HBM: variants seen among roughly 807,000 people sequenced by gnomAD.
The protein encoded by HBM is alpha globin pseudogene 2.
HBM carries 9 observed loss-of-function variants against 12.8 expected under a neutral mutation model. That is an observed-to-expected ratio of 0.70 (90% confidence interval 0.42 to 1.23). HBM has a LOEUF of 1.23. Among genes scored for constraint, HBM ranks in the 50% most tolerant of loss-of-function variants. HBM has a pLI of 0.00. For missense variants in HBM, 214 were observed against 195.4 expected, an observed-to-expected ratio of 1.10 and a Z score of -0.57; for synonymous variants, 100 against 92.0, an observed-to-expected ratio of 1.09 and a Z score of -0.50.
Position 166,485 on chromosome 16 carries a change from C to T in HBM, c.297+13C>T, listed in dbSNP as rs1399362374. 3.3e-6 allele frequency: 5 copies of T among 1,529,554 alleles called. No homozygotes were observed. The highest frequency in any genetic ancestry group is 4.4e-6 in the Non-Finnish European group (5 of 1,137,112). The allele number at this position is 1,529,554 out of a possible 1,614,324, so 94.7% of individuals were successfully genotyped here. Reference sequence around the variant, plus strand: ...AGCCAACTTTCCGGTGAGGCCTTTCCGGCCGGGGCAATGGTGCAGCGCGCA... The same window carrying T: ...AGCCAACTTTCCGGTGAGGCCTTTCTGGCCGGGGCAATGGTGCAGCGCGCA... On this transcript the variant is annotated intron_variant, in intron 2 of 2. Coordinates refer to ENST00000356815, the MANE Select transcript of HBM (RefSeq NM_001003938.4).
rs768293380 is a variant in HBM, at chr16:166,360, T to G, written c.185T>G (p.Met62Arg). 2.5e-6 allele frequency: 4 copies of G among 1,588,874 alleles called. No individual in the cohort carries two copies. The highest frequency in any genetic ancestry group is 2.3e-5 in the East Asian group (1 of 44,162). The change falls in exon 2 of 3, where the codon ATG becomes AGG. Residue 62 changes from methionine (M) to arginine (R), a missense_variant. Physicochemically the swap from Met to Arg is moderately conservative, Grantham distance 91 (BLOSUM62 -1). Transcript: ENST00000356815. ...ATQLLSHGQRMLAAVGAAVQH... is the reference protein window; with the variant it reads ...ATQLLSHGQRRLAAVGAAVQH... ...CAGCTGCTGAGCCACGGGCAGCGCA[T>G]GCTGGCGGCTGTGGGCGCGGCGGTG...
Position 166,431 on chromosome 16 carries a change from C to A in HBM, c.256C>A (p.Leu86Met). ...LRAALSPLAD[L>M]HALVLRVDPA... ...CGCCGCGCTGAGCCCGCTGGCGGAC[C>A]TGCACGCGCTCGTGCTGCGCGTGGA... The change falls in exon 2 of 3, where the codon CTG becomes ATG. Residue 86 changes from leucine (L) to methionine (M), a missense_variant. By Grantham distance (15) the Leu-to-Met change is conservative. Coordinates refer to ENST00000356815, the MANE Select transcript of HBM (RefSeq NM_001003938.4). 1 of 1,549,460 alleles carries A rather than the reference C, an allele frequency of 6.5e-7. No individual in the cohort carries two copies. The highest frequency in any genetic ancestry group is 1.2e-5 in the South Asian group (1 of 85,960).
Position 166,387 on chromosome 16 carries a change from A to G in HBM, c.212A>G (p.Gln71Arg), listed in dbSNP as rs923028059. ...CTGGCGGCTGTGGGCGCGGCGGTGC[A>G]GCACGTGGACAACCTGCGCGCCGCG... ...RMLAAVGAAV[Q>R]HVDNLRAALS... Residue 71 changes from glutamine to arginine, a missense_variant, in exon 2 of 3, where the codon CAG becomes CGG. Transcript: ENST00000356815. The G allele has an allele frequency of 5.1e-6, 8 of 1,573,460 alleles. No homozygotes were observed. Among genetic ancestry groups the G allele is most frequent in the Non-Finnish European group, 6.8e-6 (8 of 1,167,976 alleles).
rs751601520 is a variant in HBM at position 166,328 on chromosome 16, C to G, written c.153C>G (p.Asp51Glu). ...VYFPHLSACQ[D>E]ATQLLSHGQR... ...TCCCGCACCTGAGCGCCTGCCAGGACGCGACGCAGCTGCTGAGCCACGGGC... is the reference window on the plus strand; with the variant it reads ...TCCCGCACCTGAGCGCCTGCCAGGAGGCGACGCAGCTGCTGAGCCACGGGC... The change falls in exon 2 of 3, where the codon GAC becomes GAG. Residue 51 changes from aspartate (D) to glutamate (E), a missense_variant. By Grantham distance (45) the Asp-to-Glu change is conservative. Coordinates refer to ENST00000356815, the MANE Select transcript of HBM (RefSeq NM_001003938.4). The G allele has an allele frequency of 3.1e-6, 5 of 1,595,064 alleles. No homozygotes were observed. Among genetic ancestry groups the G allele is most frequent in the Non-Finnish European group, 3.4e-6 (4 of 1,178,584 alleles).
At position 166,365 on chromosome 16, in the gene HBM, G is replaced by C. The variant is rs1567161621; in HGVS notation, c.190G>C (p.Ala64Pro). ...QLLSHGQRML[A>P]AVGAAVQHVD... ...GCTGAGCCACGGGCAGCGCATGCTG[G>C]CGGCTGTGGGCGCGGCGGTGCAGCA... is the stretch of plus-strand genomic sequence containing the variant. Residue 64 changes from alanine (A) to proline (P), a missense_variant, in exon 2 of 3, where the codon GCG (alanine) becomes CCG (proline). Ala to Pro is a conservative substitution (Grantham distance 27). Coordinates refer to ENST00000356815, the MANE Select transcript of HBM (RefSeq NM_001003938.4). 1 of 1,585,474 alleles carries C rather than the reference G, an allele frequency of 6.3e-7. No individual in the cohort carries two copies. Among genetic ancestry groups the C allele is most frequent in the African/African-American group, 1.3e-5 (1 of 74,502 alleles).
rs534369335 is a variant in HBM at position 166,634 on chromosome 16, A to G, written c.352A>G (p.Thr118Ala). The G allele has an allele frequency of 3.1e-6, 5 of 1,614,092 alleles. No individual in the cohort carries two copies. In the South Asian group the frequency reaches 4.4e-5, roughly 14 times the overall value. ...VLASHLQDEFTVQMQAAWDKF... is the reference protein window; with the variant it reads ...VLASHLQDEFAVQMQAAWDKF... ...GGCCTCCCACCTGCAGGACGAGTTC[A>G]CCGTGCAAATGCAAGCGGCGTGGGA... The change falls in exon 3 of 3, where the codon ACC becomes GCC. Residue 118 changes from threonine (T) to alanine (A), a missense_variant. Physicochemically the swap from Thr to Ala is moderately conservative, Grantham distance 58. Transcript: ENST00000356815.
Position 166,699 on chromosome 16 carries a change from A to G in HBM, c.417A>G (p.Lys139=). 1 of 1,614,068 alleles carries G rather than the reference A, an allele frequency of 6.2e-7. No homozygotes were observed. ...GTGTGGCCGTGGTGCTGACCGAAAA[A>G]TACCGCTGAGCCCTGTGCTGCGCAG... ...LTGVAVVLTE[K]YR Residue 139 remains lysine (K), a synonymous_variant, in exon 3 of 3, where the codon AAA becomes AAG. Transcript: ENST00000356815.
intron 2 of HBM, 52 bp downstream of exon 2, chr16:166,524 G>C: frequency 2.5e-6 from 4 of 1,585,706 alleles, no homozygotes; most frequent in Non-Finnish European, 2.6e-6. Flanking sequence ...GGGGTGGGGG[G>C]GCTCTGGGGG....
Position 166,597 on chromosome 16 carries a change from C to T in HBM, c.315C>T (p.Phe105=), listed in dbSNP as rs763685109. ...TCCTGCAGCTGCTAATCCAGTGTTT[C>T]CACGTCGTGCTGGCCTCCCACCTGC... ...PANFPLLIQC[F]HVVLASHLQD... The change falls in exon 3 of 3, where the codon TTC becomes TTT. Residue 105 remains phenylalanine (F), a synonymous_variant. Coordinates refer to ENST00000356815, the MANE Select transcript of HBM (RefSeq NM_001003938.4). The T allele has an allele frequency of 1.2e-6, 2 of 1,613,760 alleles. No homozygotes were observed. The highest frequency in any genetic ancestry group is 1.7e-6 in the Non-Finnish European group (2 of 1,179,888).
chr16:166,473 G>A lies in HBM; in HGVS notation c.297+1G>A. On this transcript the variant is annotated splice_donor_variant, in intron 2 of 2. Transcript: ENST00000356815. LOFTEE classifies it high-confidence loss of function. ...GCGCGTGGACCCAGCCAACTTTCCG[G>A]TGAGGCCTTTCCGGCCGGGGCAATG... 1.3e-6 allele frequency: 2 copies of A among 1,552,324 alleles called. No individual in the cohort carries two copies. Among genetic ancestry groups the A allele is most frequent in the East Asian group, 2.4e-5 (1 of 41,852 alleles).
rs760686044 is a variant in HBM at position 166,503 on chromosome 16, A to T, written c.297+31A>T. On this transcript the variant is annotated intron_variant, in intron 2 of 2. Coordinates refer to ENST00000356815, the MANE Select transcript of HBM (RefSeq NM_001003938.4). ...GCCTTTCCGGCCGGGGCAATGGTGC[A>T]GCGCGCAGCCGGGGTGGGGGGGCTC... is the stretch of plus-strand genomic sequence containing the variant. 9 of 1,524,852 alleles carry T rather than the reference A, an allele frequency of 5.9e-6. No homozygotes were observed. In the East Asian group the frequency reaches 1.7e-4, roughly 29 times the overall value. The allele number at this position is 1,524,852 out of a possible 1,614,324, so 94.5% of individuals were successfully genotyped here.
rs1243108597 is a variant in HBM at position 166,190 on chromosome 16, C to CT, written c.93-78_93-77insT. 3.5e-5 allele frequency: 49 copies of CT among 1,391,036 alleles called. 1 individual carries two copies. The East Asian group carries it at 9.3e-4, about 26-fold the overall frequency. The allele number at this position is 1,391,036 out of a possible 1,614,324, so 86.2% of individuals were successfully genotyped here. ...TCCAAGGTCCTTCGGGTGCGGATCCCCGGGCTCTGGGCGGTGTGGGCGCTA... is the reference window on the plus strand; with the variant it reads ...TCCAAGGTCCTTCGGGTGCGGATCCCTCGGGCTCTGGGCGGTGTGGGCGCTA... On this transcript the variant is annotated intron_variant, in intron 1 of 2. Transcript: ENST00000356815.
At chr16:166,531 G>A (rs1299967026) in intron 2 of HBM, 49 bp from the exon 3 acceptor site, 20 of 1,594,758 alleles carry the variant, frequency 1.3e-5, no homozygotes, top group Non-Finnish European at 1.5e-5. Flanking sequence ...GGGGGCTCTG[G>A]GGGTCCCTAG....
rs1319557985 is a variant in HBM at position 166,306 on chromosome 16, C to T, written c.131C>T (p.Pro44Leu). The change falls in exon 2 of 3, where the codon CCG (proline) becomes CTG (leucine). Residue 44 changes from proline to leucine, a missense_variant. Pro to Leu is a moderately conservative substitution (Grantham distance 98). Coordinates refer to ENST00000356815, the MANE Select transcript of HBM (RefSeq NM_001003938.4). ...TACCCCAGCACCAAGGTCTACTTCC[C>T]GCACCTGAGCGCCTGCCAGGACGCG... ...TVYPSTKVYF[P>L]HLSACQDATQ... The T allele has an allele frequency of 3.8e-6, 6 of 1,595,412 alleles. No homozygotes were observed. Among genetic ancestry groups the T allele is most frequent in the Non-Finnish European group, 4.2e-6 (5 of 1,178,732 alleles).
chr16:166,401 C>G lies in HBM; in HGVS notation c.226C>G (p.Leu76Val), dbSNP rs1368288043. 6.4e-7 allele frequency: 1 copy of G among 1,564,260 alleles called. No homozygotes were observed. The highest frequency in any genetic ancestry group is 1.8e-5 in the Admixed American group (1 of 54,698). The change falls in exon 2 of 3, where the codon CTG becomes GTG. Residue 76 changes from leucine to valine, a missense_variant. By Grantham distance (32) the Leu-to-Val change is conservative. Coordinates refer to ENST00000356815, the MANE Select transcript of HBM (RefSeq NM_001003938.4). The part of the protein sequence containing the change: ...VGAAVQHVDN[L>V]RAALSPLADL... ...CGCGGCGGTGCAGCACGTGGACAAC[C>G]TGCGCGCCGCGCTGAGCCCGCTGGC...
At position 166,077 on chromosome 16, in the gene HBM, A is replaced by T; in HGVS notation, c.80A>T (p.Glu27Val). The change falls in exon 1 of 3, where the codon GAG (glutamate) becomes GTG (valine). Residue 27 changes from glutamate to valine, a missense_variant. Physicochemically the swap from Glu to Val is moderately radical, Grantham distance 121 (BLOSUM62 -2). Transcript: ENST00000356815. ...GGCCACGAGGCGCAATTCGGGGCGG[A>T]GCTGCTGCTCAGGTCGGTAGAGGCG... Reference protein sequence around the residue: ...IAGHEAQFGAELLLRLFTVYP... With the variant: ...IAGHEAQFGAVLLLRLFTVYP... The T allele has an allele frequency of 6.2e-7, 1 of 1,603,294 alleles. No individual in the cohort carries two copies. Among genetic ancestry groups the T allele is most frequent in the East Asian group, 2.2e-5 (1 of 44,554 alleles).
chr16:166,516 G>A lies in HBM; in HGVS notation c.297+44G>A, dbSNP rs369709218. 597 of 1,576,770 alleles carry A rather than the reference G, an allele frequency of 3.8e-4. 4 individuals carry two copies. The African/African-American group carries it at 5.7e-3, about 15-fold the overall frequency. On this transcript the variant is annotated intron_variant, in intron 2 of 2. Transcript: ENST00000356815. ...GGGCAATGGTGCAGCGCGCAGCCGG[G>A]GTGGGGGGGCTCTGGGGGTCCCTAG...
chr16:166,201 G>A lies in HBM; in HGVS notation c.93-67G>A, dbSNP rs1046021339. 2.2e-5 allele frequency: 32 copies of A among 1,486,184 alleles called. No homozygotes were observed. The Admixed American group carries it at 5.3e-4, about 25-fold the overall frequency. 92.1% of individuals were successfully genotyped at this position (1,486,184 alleles called of 1,614,324 possible). On this transcript the variant is annotated intron_variant, in intron 1 of 2. Transcript: ENST00000356815. The stretch of plus-strand genomic sequence containing the variant: ...TCGGGTGCGGATCCCCGGGCTCTGG[G>A]CGGTGTGGGCGCTAGTGAAGCCCCA...
In HBM at chr16:166,310, C is replaced by A; in HGVS notation, c.135C>A (p.His45Gln). 6.3e-7 allele frequency: 1 copy of A among 1,595,562 alleles called. No homozygotes were observed. The highest frequency in any genetic ancestry group is 8.5e-7 in the Non-Finnish European group (1 of 1,178,754). ...VYPSTKVYFP[H>Q]LSACQDATQL... The stretch of plus-strand genomic sequence containing the variant: ...CCAGCACCAAGGTCTACTTCCCGCA[C>A]CTGAGCGCCTGCCAGGACGCGACGC... The change falls in exon 2 of 3, where the codon CAC becomes CAA. Residue 45 changes from histidine to glutamine, a missense_variant. Transcript: ENST00000356815.
Sources: allele counts gnomAD v4.1 joint callset, GRCh38; gene constraint gnomAD v4.1.1; transcripts MANE v1.5; gene names NCBI Gene and HGNC (gene_info 2026-07-23, HGNC 2026-07-21).